Variants in KLF4 observed in about 807,000 individuals in gnomAD.
KLF4 encodes Krueppel-like factor 4.
KLF4 carries 14 observed loss-of-function variants against 38.0 expected under a neutral mutation model. That is an observed-to-expected ratio of 0.37 (90% CI 0.24 to 0.58). KLF4 has a LOEUF of 0.58. Ranked by LOEUF, KLF4 falls within the 20% of genes least tolerant of loss-of-function variation. The pLI is 0.76. For missense variants in KLF4, 737 were observed against 670.1 expected (o/e 1.10, Z -1.10); for synonymous variants, 398 against 302.5 (o/e 1.32, Z -3.28).
At position 107,488,368 on chromosome 9, in the gene KLF4, A is replaced by G. The variant is rs940256018; in HGVS notation, c.127-101T>C. The G allele has an allele frequency of 6.9e-7, 1 of 1,444,558 alleles. No homozygotes were observed. Among genetic ancestry groups the G allele is most frequent in the Non-Finnish European group, 9.1e-7 (1 of 1,104,430 alleles). 89.5% of individuals were successfully genotyped at this position (1,444,558 alleles called of 1,614,324 possible). A position where few individuals can be genotyped will look rare whatever the true frequency, so the allele number is the denominator to read the frequency against. ...CCACGCGCGACTGCACCGCCCAGACATGGGGACTGGTCAGGCAGGAAGCAC... is the reference window on the plus strand; with the variant it reads ...CCACGCGCGACTGCACCGCCCAGACGTGGGGACTGGTCAGGCAGGAAGCAC... On this transcript the variant is annotated intron_variant, in intron 2 of 4. Transcript: ENST00000374672. The surrounding 1 kb of genome is among the most constrained non-coding windows in gnomAD (Gnocchi z 5.7).
rs757818947 is a variant in KLF4 at position 107,487,177 on chromosome 9, C to G, written c.1115G>C (p.Gly372Ala). 8.1e-6 allele frequency: 13 copies of G among 1,614,022 alleles called. No individual in the cohort carries two copies. The highest frequency in any genetic ancestry group is 1.3e-5 in the African/African-American group (1 of 74,926). ...CTTGGGCTCCTCTGGCATGCAGGAA[C>G]CGGGTGGCATGAGCTCTAGGGGTGA... ...PLHYQELMPP[G>A]SCMPEEPKPK... The change falls in exon 4 of 5, where the codon GGT becomes GCT. Residue 372 changes from glycine (G) to alanine (A), a missense_variant. By Grantham distance (60) the Gly-to-Ala change is moderately conservative. Around this residue, in one of 2 missense-constraint regions of KLF4, gnomAD observed 695 missense variants for 554.5 expected, o/e 1.25. Coordinates refer to ENST00000374672, the MANE Select transcript of KLF4 (RefSeq NM_004235.6). This position sits in a 1 kb window ranked among gnomAD's most constrained non-coding sequence, Gnocchi z 6.1.
chr9:107,488,296 C>G lies in KLF4; in HGVS notation c.127-29G>C. Reference sequence around the variant, plus strand: ...CGGGGACAGGGCGGGAGAGACCTGTCAGTGGTGGTCCCCTGTTGCCACCCG... The same window carrying G: ...CGGGGACAGGGCGGGAGAGACCTGTGAGTGGTGGTCCCCTGTTGCCACCCG... On this transcript the variant is annotated intron_variant, in intron 2 of 4. Transcript: ENST00000374672. The surrounding 1 kb of genome is among the most constrained non-coding windows in gnomAD (Gnocchi z 5.7). The G allele has an allele frequency of 6.5e-7, 1 of 1,547,208 alleles. No homozygotes were observed. The highest frequency in any genetic ancestry group is 8.7e-7 in the Non-Finnish European group (1 of 1,150,694).
rs2236599 is a variant in KLF4, at chr9:107,487,224, C to T, written c.1100-32G>A. On this transcript the variant is annotated intron_variant, in intron 3 of 4. Coordinates refer to ENST00000374672, the MANE Select transcript of KLF4 (RefSeq NM_004235.6). The surrounding 1 kb of genome is among the most constrained non-coding windows in gnomAD (Gnocchi z 6.1). ...GTGAAGAAGGTGGGGTGAGCATCATCCCGTGTGTCCCGAAGTGGGGCCAGC... is the reference window on the plus strand; with the variant it reads ...GTGAAGAAGGTGGGGTGAGCATCATTCCGTGTGTCCCGAAGTGGGGCCAGC... 0.18 allele frequency: 286,863 copies of T among 1,609,242 alleles called. 27,499 individuals carry two copies. The highest frequency in any genetic ancestry group is 0.28 in the East Asian group (12,331 of 44,804).
chr9:107,485,505 A>ATT lies in KLF4; in HGVS notation c.*244_*245dup. 2.3e-6 allele frequency: 1 copy of ATT among 431,190 alleles called. No homozygotes were observed. The highest frequency in any genetic ancestry group is 4.0e-6 in the Non-Finnish European group (1 of 247,370). The allele number at this position is 431,190 out of a possible 1,614,324, so 26.7% of individuals were successfully genotyped here. ...CTTGGCATTTTGTAAGTCCAGGAATATTCAAGTCGGATTTAGAATTGGAAT... is the reference window on the plus strand; with the variant it reads ...CTTGGCATTTTGTAAGTCCAGGAATATTTTCAAGTCGGATTTAGAATTGGAAT... On this transcript the variant is annotated 3_prime_UTR_variant, in exon 5 of 5. Transcript: ENST00000374672. The surrounding 1 kb of genome is among the most constrained non-coding windows in gnomAD (Gnocchi z 4.9).
Position 107,485,729 on chromosome 9 carries a change from G to T in KLF4, c.*22C>A. On this transcript the variant is annotated 3_prime_UTR_variant, in exon 5 of 5. Transcript: ENST00000374672. The surrounding 1 kb of genome is among the most constrained non-coding windows in gnomAD (Gnocchi z 4.9). ...TACTGAATTCTCTTCTGGCAGTGTGGGTCATATCCACTGTCTGGGATTTAA... is the reference window on the plus strand; with the variant it reads ...TACTGAATTCTCTTCTGGCAGTGTGTGTCATATCCACTGTCTGGGATTTAA... The T allele has an allele frequency of 6.4e-7, 1 of 1,550,482 alleles. No individual in the cohort carries two copies. The highest frequency in any genetic ancestry group is 8.7e-7 in the Non-Finnish European group (1 of 1,151,908).
In KLF4 at chr9:107,487,251, C is replaced by A; in HGVS notation, c.1099+44G>T. On this transcript the variant is annotated intron_variant, in intron 3 of 4. Coordinates refer to ENST00000374672, the MANE Select transcript of KLF4 (RefSeq NM_004235.6). The surrounding 1 kb of genome is among the most constrained non-coding windows in gnomAD (Gnocchi z 6.1). ...CGTGTGTCCCGAAGTGGGGCCAGCA[C>A]ACACAGGGCTCCCCAGCCCGAGCTA... 1 of 1,602,812 alleles carries A rather than the reference C, an allele frequency of 6.2e-7. No homozygotes were observed. The highest frequency in any genetic ancestry group is 8.5e-7 in the Non-Finnish European group (1 of 1,173,742).
At chr9:107,486,302 A>C (rs1173473346) in intron 4 of KLF4, among the ~76,000 whole-genome samples, 4 of 152,114 alleles carry the variant, frequency 2.6e-5, no homozygotes, top group Non-Finnish European at 5.9e-5. Context: ...ATGCAATCTT[A>C]TTCCTACTAC....
rs374410333 is a variant in KLF4, at chr9:107,488,898, G to C, written c.126+32C>G. On this transcript the variant is annotated intron_variant, in intron 2 of 4. Coordinates refer to ENST00000374672, the MANE Select transcript of KLF4 (RefSeq NM_004235.6). The surrounding 1 kb of genome is among the most constrained non-coding windows in gnomAD (Gnocchi z 5.7). Reference sequence around the variant, plus strand: ...CCCACCACACCCACGAAAACCCACCGGGCGTTCCCGGCGGCCCGGAGCGAT... The same window carrying C: ...CCCACCACACCCACGAAAACCCACCCGGCGTTCCCGGCGGCCCGGAGCGAT... 2 of 1,543,390 alleles carry C rather than the reference G, an allele frequency of 1.3e-6. No individual in the cohort carries two copies. Among genetic ancestry groups the C allele is most frequent in the Non-Finnish European group, 1.8e-6 (2 of 1,141,554 alleles).
Position 107,485,669 on chromosome 9 carries a change from T to C in KLF4, c.*82A>G, listed in dbSNP as rs1564293325. 2 of 1,365,042 alleles carry C rather than the reference T, an allele frequency of 1.5e-6. No individual in the cohort carries two copies. The highest frequency in any genetic ancestry group is 2.0e-6 in the Non-Finnish European group (2 of 1,021,124). 84.6% of individuals were successfully genotyped at this position (1,365,042 alleles called of 1,614,324 possible). ...TGTAGTGCTTTCTGGCTGGGCTCCT[T>C]CCCTCATCGGGAAGACAGTGTGAAA... On this transcript the variant is annotated 3_prime_UTR_variant, in exon 5 of 5. Transcript: ENST00000374672. This position sits in a 1 kb window ranked among gnomAD's most constrained non-coding sequence, Gnocchi z 4.9.
rs1305952951 is a variant in KLF4, at chr9:107,487,494, C to T, written c.900G>A (p.Pro300=). ...GCCCCAGGGGGAAGTCGTGTGCAGC[C>T]GGCCGGTGGCCATTGCTGAGAGGGG... The part of the protein sequence containing the change: ...AGPPLSNGHR[P]AAHDFPLGRQ... The change falls in exon 3 of 5, where the codon CCG becomes CCA. Residue 300 remains proline, a synonymous_variant. Coordinates refer to ENST00000374672, the MANE Select transcript of KLF4 (RefSeq NM_004235.6). The surrounding 1 kb of genome is among the most constrained non-coding windows in gnomAD (Gnocchi z 6.1). 22 of 1,541,226 alleles carry T rather than the reference C, an allele frequency of 1.4e-5. No homozygotes were observed. The highest frequency in any genetic ancestry group is 1.7e-4 in the Middle Eastern group (1 of 5,718).
In KLF4 at chr9:107,487,166, G is replaced by C; in HGVS notation, c.1126C>G (p.Pro376Ala). ...CCCCTCTTTGGCTTGGGCTCCTCTG[G>C]CATGCAGGAACCGGGTGGCATGAGC... Reference protein sequence around the residue: ...QELMPPGSCMPEEPKPKRGRR... With the variant: ...QELMPPGSCMAEEPKPKRGRR... The change falls in exon 4 of 5, where the codon CCA becomes GCA. Residue 376 changes from proline (P) to alanine (A), a missense_variant. Physicochemically the swap from Pro to Ala is conservative, Grantham distance 27. Coordinates refer to ENST00000374672, the MANE Select transcript of KLF4 (RefSeq NM_004235.6). This position sits in a 1 kb window ranked among gnomAD's most constrained non-coding sequence, Gnocchi z 6.1. 6.2e-7 allele frequency: 1 copy of C among 1,614,182 alleles called. No individual in the cohort carries two copies. The highest frequency in any genetic ancestry group is 8.5e-7 in the Non-Finnish European group (1 of 1,180,040).
At position 107,485,972 on chromosome 9, in the gene KLF4, A is replaced by C; in HGVS notation, c.1265-46T>G. 6.4e-7 allele frequency: 1 copy of C among 1,568,438 alleles called. No individual in the cohort carries two copies. Among genetic ancestry groups the C allele is most frequent in the African/African-American group, 1.4e-5 (1 of 72,838 alleles). The stretch of plus-strand genomic sequence containing the variant: ...AAAAATTGACGCTATTGCTATATCA[A>C]AGAATCGCCCCTTTTAAAAACTGAA... On this transcript the variant is annotated intron_variant, in intron 4 of 4. Transcript: ENST00000374672. This position sits in a 1 kb window ranked among gnomAD's most constrained non-coding sequence, Gnocchi z 4.9.
Position 107,485,785 on chromosome 9 carries a change from TC to T in KLF4, c.1405del (p.Asp469ThrfsTer7). On this transcript the variant is annotated frameshift_variant, in exon 5 of 5. Transcript: ENST00000374672. LOFTEE classifies it high-confidence loss of function. This position sits in a 1 kb window ranked among gnomAD's most constrained non-coding sequence, Gnocchi z 4.9. ...QKCDRAFSRS[D>X]HLALHMKRHF The stretch of plus-strand genomic sequence containing the variant: ...CCTCTTCATGTGTAAGGCGAGGTGG[TC>T]CGACCTGGAAAATGCTCGGTCGCAT... The T allele has an allele frequency of 1.9e-6, 3 of 1,606,696 alleles. No individual in the cohort carries two copies. The highest frequency in any genetic ancestry group is 1.1e-5 in the South Asian group (1 of 89,394).
chr9:107,486,665 C>CTT (rs1260678218), intron 4 of KLF4, among the ~76,000 whole-genome samples: 2 of 152,064 alleles, frequency 1.3e-5, no homozygotes, highest in Non-Finnish European at 2.9e-5. Flanking sequence ...AGCCATCATG[C>CTT]TTTTGCATAG....
chr9:107,487,212 G>A lies in KLF4; in HGVS notation c.1100-20C>T. ...TGAGCTCTAGGGGTGAAGAAGGTGGGGTGAGCATCATCCCGTGTGTCCCGA... is the reference window on the plus strand; with the variant it reads ...TGAGCTCTAGGGGTGAAGAAGGTGGAGTGAGCATCATCCCGTGTGTCCCGA... On this transcript the variant is annotated intron_variant, in intron 3 of 4. Coordinates refer to ENST00000374672, the MANE Select transcript of KLF4 (RefSeq NM_004235.6). This position sits in a 1 kb window ranked among gnomAD's most constrained non-coding sequence, Gnocchi z 6.1. 1 of 1,612,744 alleles carries A rather than the reference G, an allele frequency of 6.2e-7. No homozygotes were observed. The highest frequency in any genetic ancestry group is 1.3e-5 in the African/African-American group (1 of 75,024).
rs1458276531 is a variant in KLF4, at chr9:107,488,985, G to A, written c.71C>T (p.Ala24Val). ...CTTCTCCCTTCCCGCCGGGCCAGAC[G>A]CGAACGTGGAGAAAGATGGGAGCAG... ...DALLPSFSTF[A>V]SGPAGREKTL... The change falls in exon 2 of 5, where the codon GCG (alanine) becomes GTG (valine). Residue 24 changes from alanine to valine, a missense_variant. Ala to Val is a moderately conservative substitution (Grantham distance 64). This residue lies in a region of KLF4 where 695 missense variants were observed against 554.5 expected (regional missense o/e 1.25). Coordinates refer to ENST00000374672, the MANE Select transcript of KLF4 (RefSeq NM_004235.6). The surrounding 1 kb of genome is among the most constrained non-coding windows in gnomAD (Gnocchi z 5.7). 1 of 1,569,690 alleles carries A rather than the reference G, an allele frequency of 6.4e-7. No homozygotes were observed. Among genetic ancestry groups the A allele is most frequent in the Admixed American group, 1.9e-5 (1 of 53,716 alleles).
In KLF4 at chr9:107,487,860, A is replaced by G. The variant is rs1314307506; in HGVS notation, c.534T>C (p.Ala178=). Residue 178 remains alanine, a synonymous_variant, in exon 3 of 5, where the codon GCT becomes GCC. Coordinates refer to ENST00000374672, the MANE Select transcript of KLF4 (RefSeq NM_004235.6). The surrounding 1 kb of genome is among the most constrained non-coding windows in gnomAD (Gnocchi z 6.1). The stretch of plus-strand genomic sequence containing the variant: ...GGTTGAAGGGAGCCGTCGGAGGGGG[A>G]GCGGACTCCCTGCCATAGAGGAGGC... The part of the protein sequence containing the change: ...GGGLLYGRES[A]PPPTAPFNLA... 2.0e-6 allele frequency: 3 copies of G among 1,528,538 alleles called. No homozygotes were observed. The highest frequency in any genetic ancestry group is 2.5e-5 in the South Asian group (2 of 80,540). 94.7% of individuals were successfully genotyped at this position (1,528,538 alleles called of 1,614,324 possible).
In KLF4 at chr9:107,487,503, G is replaced by C; in HGVS notation, c.891C>G (p.Gly297=). Residue 297 remains glycine, a synonymous_variant, in exon 3 of 5, where the codon GGC becomes GGG. Transcript: ENST00000374672. The surrounding 1 kb of genome is among the most constrained non-coding windows in gnomAD (Gnocchi z 6.1). The part of the protein sequence containing the change: ...HLGAGPPLSN[G]HRPAAHDFPL... Reference sequence around the variant, plus strand: ...GGAAGTCGTGTGCAGCCGGCCGGTGGCCATTGCTGAGAGGGGGTCCAGCGC... The same window carrying C: ...GGAAGTCGTGTGCAGCCGGCCGGTGCCCATTGCTGAGAGGGGGTCCAGCGC... 6.5e-7 allele frequency: 1 copy of C among 1,543,594 alleles called. No homozygotes were observed. Among genetic ancestry groups the C allele is most frequent in the Non-Finnish European group, 8.7e-7 (1 of 1,146,794 alleles).
At chr9:107,486,342 C>T (rs568218518) in intron 4 of KLF4, among the ~76,000 whole-genome samples, 1 of 151,528 alleles carries the variant, frequency 6.6e-6, no homozygotes, top group Admixed American at 6.6e-5. Context: ...CAGGTGGCTA[C>T]TTTTTTTTTC....
Sources: allele counts gnomAD v4.1 joint callset (sites outside exome capture counted in the v4.1 genomes callset), GRCh38; gene constraint gnomAD v4.1.1; regional missense constraint gnomAD v4.1.1; non-coding constraint Gnocchi (gnomAD v3.1); transcripts MANE v1.5; gene names NCBI Gene and HGNC (gene_info 2026-07-23, HGNC 2026-07-21).